LDB2: variants seen among roughly 807,000 people sequenced by gnomAD.
The protein encoded by LDB2 is LIM domain-binding protein 2.
Under a neutral mutation model 44.3 loss-of-function variants are expected in LDB2, and 12 were observed. That is an observed-to-expected ratio of 0.27 (90% CI 0.17 to 0.44). LDB2 has a LOEUF of 0.44. Among genes scored for constraint, LDB2 ranks in the 20% least tolerant of loss-of-function variants. LDB2 has a pLI of 1.00. For synonymous variants in LDB2, 164 were observed against 174.8 expected (o/e 0.94, Z 0.49); for missense variants, 344 against 473.5 (o/e 0.73, Z 2.54).
chr4:16,703,370 T>C (rs1200751781), intron 2 of LDB2, among the ~76,000 whole-genome samples: 2 of 152,178 alleles, frequency 1.3e-5, no homozygotes, highest in Non-Finnish European at 2.9e-5. Flanking sequence ...AAGGCAGGAA[T>C]GGATGTAGTG....
At chr4:16,823,232 A>C (rs1243680823) in intron 1 of LDB2, among the ~76,000 whole-genome samples, 1 of 152,244 alleles carries the variant, frequency 6.6e-6, no homozygotes, top group Non-Finnish European at 1.5e-5. Context: ...TACAGATCAG[A>C]GTATGAAGTC....
chr4:16,609,613 A>T (rs1313924927), intron 2 of LDB2, among the ~76,000 whole-genome samples: 1 of 152,156 alleles, frequency 6.6e-6, no homozygotes, highest in East Asian at 1.9e-4. Flanking sequence ...CTTCAGGCCC[A>T]ACCCTGACCT....
intron 1 of LDB2, among the ~76,000 whole-genome samples, chr4:16,848,058 G>A (rs1407498006): frequency 1.3e-5 from 2 of 152,170 alleles, no homozygotes; most frequent in South Asian, 4.1e-4. Context: ...ATACTTAACT[G>A]TCAGGGTCTT....
At chr4:16,637,299 A>ATTTTTTTTTTTTTTTTTTTTTTTT (rs34484721) in intron 2 of LDB2, among the ~76,000 whole-genome samples, 9 of 85,482 alleles carry the variant, frequency 1.1e-4, no homozygotes, top group Non-Finnish European at 1.0e-4. Context: ...GCCTAGGCTG[A>ATTTTTTTTTTTTTTTTTTTTTTTT]TTTTTTTTTT....
At chr4:16,838,784 T>C (rs1240129001) in intron 1 of LDB2, among the ~76,000 whole-genome samples, 1 of 152,212 alleles carries the variant, frequency 6.6e-6, no homozygotes, top group African/African-American at 2.4e-5. Context: ...CAGCCTTCCA[T>C]GCACTGAGCA....
intron 1 of LDB2, among the ~76,000 whole-genome samples, chr4:16,896,876 C>A (rs1725165880): frequency 6.6e-6 from 1 of 152,128 alleles, no homozygotes; most frequent in South Asian, 2.1e-4. Context: ...ATACACAAAA[C>A]AGCAAGCACA....
chr4:16,841,663 A>G (rs1785915507), intron 1 of LDB2, among the ~76,000 whole-genome samples: 1 of 152,238 alleles, frequency 6.6e-6, no homozygotes, highest in Admixed American at 6.5e-5. Context: ...TCTTTGAGAT[A>G]GGATGCAGTA....
At chr4:16,706,073 C>T (rs1226527848) in intron 2 of LDB2, among the ~76,000 whole-genome samples, 2 of 151,996 alleles carry the variant, frequency 1.3e-5, no homozygotes, top group African/African-American at 2.4e-5. Flanking sequence ...AGTGAAGGGG[C>T]CAAAATTGCT....
intron 2 of LDB2, among the ~76,000 whole-genome samples, chr4:16,672,832 T>TTTTTCCTTCC (rs376722890): frequency 6.8e-6 from 1 of 147,718 alleles, no homozygotes; most frequent in Non-Finnish European, 1.5e-5. Context: ...GCCTGCCTTC[T>TTTTTCCTTCC]TTCCTTCCTT....
chr4:16,666,067 A>G (rs1178297571), intron 2 of LDB2, among the ~76,000 whole-genome samples: 1 of 152,222 alleles, frequency 6.6e-6, no homozygotes, highest in Non-Finnish European at 1.5e-5. Context: ...CTGGCCCTGC[A>G]GAATTGTGAG....
chr4:16,762,887 C>A (rs1466215658), intron 1 of LDB2, among the ~76,000 whole-genome samples: 1 of 152,116 alleles, frequency 6.6e-6, no homozygotes. Context: ...TGTCTATGAG[C>A]AGTGTTACAG....
chr4:16,854,728 GTA>G (rs4065068), intron 1 of LDB2, among the ~76,000 whole-genome samples: 60,591 of 148,978 alleles, frequency 0.41, 12,507 homozygotes, highest in South Asian at 0.59. Flanking sequence ...TATTATGTGT[GTA>G]TATATATATA....
chr4:16,666,129 G>T (rs936235618), intron 2 of LDB2, among the ~76,000 whole-genome samples: 1 of 152,328 alleles, frequency 6.6e-6, no homozygotes, highest in East Asian at 1.9e-4. Context: ...CTTTGTTATA[G>T]CTGCGACATG....
intron 7 of LDB2, among the ~76,000 whole-genome samples, chr4:16,505,285 C>T (rs1718907584): frequency 6.6e-6 from 1 of 151,832 alleles, no homozygotes; most frequent in South Asian, 2.1e-4. Context: ...AAAGGGATGC[C>T]ACATATGTTT....
At chr4:16,597,536 T>C (rs1721312037) in intron 2 of LDB2, among the ~76,000 whole-genome samples, 2 of 152,206 alleles carry the variant, frequency 1.3e-5, no homozygotes, top group Admixed American at 1.3e-4. Flanking sequence ...ATTAATTGAA[T>C]GCATTTCAAA....
chr4:16,852,940 T>C (rs938991101), intron 1 of LDB2, among the ~76,000 whole-genome samples: 6 of 152,144 alleles, frequency 3.9e-5, no homozygotes, highest in African/African-American at 1.4e-4. Context: ...CACTTTAAGT[T>C]TAGAAAAATC....
At chr4:16,735,303 C>T (rs1761664670) in intron 2 of LDB2, among the ~76,000 whole-genome samples, 1 of 152,080 alleles carries the variant, frequency 6.6e-6, no homozygotes, top group Admixed American at 6.6e-5. Context: ...AACCACCTGT[C>T]CAAATGAAGA....
intron 2 of LDB2, among the ~76,000 whole-genome samples, chr4:16,732,807 A>G (rs1761034338): frequency 1.3e-5 from 2 of 152,188 alleles, no homozygotes; most frequent in Admixed American, 1.3e-4. Flanking sequence ...CTTTTCTGAA[A>G]AGAGTTTTGG....
At chr4:16,875,887 TCTC>T (rs1718221869) in intron 1 of LDB2, among the ~76,000 whole-genome samples, 1 of 152,196 alleles carries the variant, frequency 6.6e-6, no homozygotes, top group Non-Finnish European at 1.5e-5. Context: ...CCTCTATCCT[TCTC>T]CTTCCACTCC....
Sources: gnomAD v4.1 joint callset for allele counts (sites outside exome capture counted in the v4.1 genomes callset) on GRCh38, gnomAD v4.1.1 for gene constraint, MANE v1.5 for transcripts, NCBI Gene and HGNC (gene_info 2026-07-23, HGNC 2026-07-21) for gene names.